SOX5: variants seen among roughly 807,000 people sequenced by gnomAD.
SOX5 encodes the protein SRY-box transcription factor 5, also known as transcription factor SOX-5.
SOX5 carries 9 observed loss-of-function variants against 92.0 expected under a neutral mutation model. The observed-to-expected ratio is 0.10, with a 90% CI of 0.06 to 0.17. The LOEUF (loss-of-function observed/expected upper bound fraction) is 0.17. Among genes scored for constraint, SOX5 ranks in the 10% least tolerant of loss-of-function variants. The pLI is 1.00. For missense variants in SOX5, 642 were observed against 944.5 expected (o/e 0.68, Z 4.20); for synonymous variants, 344 against 336.3 (o/e 1.02, Z -0.25).
chr12:23,659,944 A>G (rs1303939711), intron 7 of SOX5, among the ~76,000 whole-genome samples: 1 of 152,156 alleles, frequency 6.6e-6, no homozygotes. Flanking sequence ...TGGGTGACAG[A>G]GTGAGACTGC....
intron 4 of SOX5, among the ~76,000 whole-genome samples, chr12:23,993,216 CA>C (rs1225422616): frequency 6.6e-6 from 1 of 152,158 alleles, no homozygotes; most frequent in Non-Finnish European, 1.5e-5. Flanking sequence ...ATGAAACACA[CA>C]ATTTCAGCTT....
At chr12:23,685,630 C>CT (rs1381523404) in intron 6 of SOX5, among the ~76,000 whole-genome samples, 1 of 128,176 alleles carries the variant, frequency 7.8e-6, no homozygotes. Flanking sequence ...CCTTTTTGTC[C>CT]CCCCCCCCAA....
chr12:23,717,884 G>A (rs1281907794), intron 6 of SOX5, among the ~76,000 whole-genome samples: 1 of 152,126 alleles, frequency 6.6e-6, no homozygotes, highest in East Asian at 1.9e-4. Context: ...ATTGGCACTG[G>A]GGGAAAATGT....
chr12:23,616,730 G>A (rs937496945), intron 8 of SOX5, among the ~76,000 whole-genome samples: 1 of 152,162 alleles, frequency 6.6e-6, no homozygotes, highest in Admixed American at 6.5e-5. Context: ...CAAAGTTGCA[G>A]TTGTTGGGTG....
At chr12:23,942,146 A>C (rs1447953254) in intron 1 of SOX5, among the ~76,000 whole-genome samples, 1 of 151,870 alleles carries the variant, frequency 6.6e-6, no homozygotes, top group Non-Finnish European at 1.5e-5. Context: ...CTGAAAAATT[A>C]ATAGTATAAT....
intron 4 of SOX5, among the ~76,000 whole-genome samples, chr12:24,054,980 C>T (rs771116151): frequency 3.9e-5 from 6 of 151,984 alleles, no homozygotes; most frequent in Non-Finnish European, 5.9e-5. Flanking sequence ...AGATTTTTTC[C>T]TGTACACATT....
At chr12:23,559,385 T>C (rs577544810) in intron 11 of SOX5, among the ~76,000 whole-genome samples, 4 of 152,158 alleles carry the variant, frequency 2.6e-5, no homozygotes, top group Non-Finnish European at 5.9e-5. Context: ...TAACCAGAGA[T>C]GACAATTATA....
intron 4 of SOX5, among the ~76,000 whole-genome samples, chr12:23,997,319 C>G (rs1189077533): frequency 6.6e-6 from 1 of 152,102 alleles, no homozygotes; most frequent in African/African-American, 2.4e-5. Context: ...TAATTTGGAG[C>G]TAAGTTTGGA....
intron 4 of SOX5, among the ~76,000 whole-genome samples, chr12:24,081,787 A>G (rs1372712291): frequency 2.0e-5 from 3 of 151,968 alleles, no homozygotes; most frequent in Non-Finnish European, 4.4e-5. Context: ...ACTGCAAGAC[A>G]ATGCTCAACA....
At chr12:24,508,955 A>G (rs901565284) in intron 1 of SOX5, among the ~76,000 whole-genome samples, 2 of 152,204 alleles carry the variant, frequency 1.3e-5, no homozygotes, top group Non-Finnish European at 2.9e-5. Flanking sequence ...AATACAGGGA[A>G]TGAGGAAAAG....
At chr12:24,053,704 G>T (rs1016148203) in intron 4 of SOX5, among the ~76,000 whole-genome samples, 9 of 152,076 alleles carry the variant, frequency 5.9e-5, no homozygotes, top group Non-Finnish European at 1.2e-4. Flanking sequence ...TCTTCAAATT[G>T]CTGCACCTCA....
intron 3 of SOX5, among the ~76,000 whole-genome samples, chr12:24,268,636 C>T (rs556771319): frequency 6.6e-6 from 1 of 152,248 alleles, no homozygotes; most frequent in African/African-American, 2.4e-5. Context: ...CCATATGTTA[C>T]AAGAGAAATG....
chr12:23,834,954 G>A (rs1205293283), intron 3 of SOX5, among the ~76,000 whole-genome samples: 1 of 151,834 alleles, frequency 6.6e-6, no homozygotes, highest in Non-Finnish European at 1.5e-5. Flanking sequence ...TATCTGTAAG[G>A]ATTTTATTTT....
intron 6 of SOX5, among the ~76,000 whole-genome samples, chr12:23,670,616 G>C (rs916529845): frequency 6.6e-6 from 1 of 152,096 alleles, no homozygotes; most frequent in Non-Finnish European, 1.5e-5. Flanking sequence ...TATATAAATG[G>C]ATGAAGGCAG....
intron 1 of SOX5, among the ~76,000 whole-genome samples, chr12:23,938,425 TGTTTTCTA>T (rs1381705164): frequency 6.6e-6 from 1 of 151,046 alleles, no homozygotes; most frequent in Admixed American, 6.6e-5. Context: ...AGTTATTTAA[TGTTTTCTA>T]GTTTTCAAAA....
chr12:24,130,557 G>T (rs560830204), intron 4 of SOX5, among the ~76,000 whole-genome samples: 51 of 152,238 alleles, frequency 3.4e-4, no homozygotes, highest in African/African-American at 1.1e-3. Flanking sequence ...AGAATGGTTT[G>T]CTGGGAGGAG....
At chr12:23,861,205 T>C (rs1413811828) in intron 2 of SOX5, among the ~76,000 whole-genome samples, 2 of 151,952 alleles carry the variant, frequency 1.3e-5, no homozygotes, top group Admixed American at 1.3e-4. Context: ...GAACGCTGAG[T>C]TCTTGGTGCT....
At chr12:23,657,238 T>C (rs1206815290) in intron 7 of SOX5, among the ~76,000 whole-genome samples, 1 of 152,126 alleles carries the variant, frequency 6.6e-6, no homozygotes, top group Non-Finnish European at 1.5e-5. Context: ...CTGGATGTCA[T>C]GGAGTTACCA....
At chr12:24,084,156 T>TA (rs1943690892) in intron 4 of SOX5, among the ~76,000 whole-genome samples, 1 of 152,064 alleles carries the variant, frequency 6.6e-6, no homozygotes, top group African/African-American at 2.4e-5. Flanking sequence ...GATGTATCTA[T>TA]AAGGTTGAAC....
Sources: allele counts gnomAD v4.1 joint callset (sites outside exome capture counted in the v4.1 genomes callset), GRCh38; gene constraint gnomAD v4.1.1; transcripts MANE v1.5; gene names NCBI Gene and HGNC (gene_info 2026-07-23, HGNC 2026-07-21).